DNAH8: variants seen among roughly 807,000 people sequenced by gnomAD.
DNAH8 encodes axonemal beta dynein heavy chain 8.
In DNAH8, 382 loss-of-function variants were observed where a neutral mutation model predicts 562.1. The observed-to-expected ratio is 0.68, with a 90% CI of 0.63 to 0.74. The LOEUF is 0.74. DNAH8 is among the 30% of genes least tolerant of loss of function. DNAH8 has a pLI of 0.00. For synonymous variants in DNAH8, 1,881 were observed against 1,919.4 expected, an observed-to-expected ratio of 0.98 and a Z score of 0.52; for missense variants, 5,203 against 5,620.4, an observed-to-expected ratio of 0.93 and a Z score of 2.37.
chr6:38,768,259 C>G (rs1767214598), intron 11 of DNAH8, among the ~76,000 whole-genome samples: 1 of 151,810 alleles, frequency 6.6e-6, no homozygotes, highest in Non-Finnish European at 1.5e-5. Flanking sequence ...GCTTATTTGT[C>G]TATTTATTTA....
intron 64 of DNAH8, among the ~76,000 whole-genome samples, chr6:38,908,348 T>C (rs1192517926): frequency 6.6e-6 from 1 of 152,218 alleles, no homozygotes; most frequent in Non-Finnish European, 1.5e-5. Flanking sequence ...TTTTCATTAA[T>C]TACCTAGAGA....
At chr6:38,967,238 A>G (rs1159077221) in intron 82 of DNAH8, among the ~76,000 whole-genome samples, 1 of 151,842 alleles carries the variant, frequency 6.6e-6, no homozygotes, top group Admixed American at 6.6e-5. Context: ...AAGGATGTCT[A>G]CTCTTACGAC....
At chr6:38,841,802 T>G (rs1429136180) in intron 33 of DNAH8, among the ~76,000 whole-genome samples, 1 of 152,072 alleles carries the variant, frequency 6.6e-6, no homozygotes, top group Non-Finnish European at 1.5e-5. Context: ...ACTGCATCCT[T>G]GAACTCCTGG....
intron 76 of DNAH8, 67 bp downstream of exon 76, chr6:38,932,060 C>A: frequency 1.6e-6 from 2 of 1,253,698 alleles, no homozygotes; most frequent in Admixed American, 3.0e-5. Flanking sequence ...TGAGAAATTG[C>A]TAAGTATGTG....
In DNAH8 at chr6:38,866,340, T is replaced by C. The variant is rs862425; in HGVS notation, c.6499-251T>C. Among the ~76,000 whole-genome samples the C allele has an allele frequency of 0.68, 103,272 of 152,004 alleles. 35,570 individuals carry two copies. The highest frequency in any genetic ancestry group is 0.84 in the East Asian group (4,375 of 5,182). On this transcript the variant is annotated intron_variant, in intron 45 of 92. Coordinates refer to ENST00000327475, the MANE Select transcript of DNAH8 (RefSeq NM_001206927.2). ...CAGACACAATTTTCTATTTTTTAAG[T>C]CAGTAGACAATTTTGCCACACAAAA...
At chr6:38,917,681 G>A (rs544112547) in intron 69 of DNAH8, among the ~76,000 whole-genome samples, 1 of 152,288 alleles carries the variant, frequency 6.6e-6, no homozygotes, top group South Asian at 2.1e-4. Flanking sequence ...GTGGTTGGTG[G>A]CATTCAGATG....
At position 38,951,425 on chromosome 6, in the gene DNAH8, A is replaced by G. The variant is rs747614095; in HGVS notation, c.12356A>G (p.Glu4119Gly). Residue 4119 changes from glutamate (E) to glycine (G), a missense_variant, in exon 82 of 93, where the codon GAA becomes GGA. Glu to Gly is a moderately conservative substitution (Grantham distance 98). This residue lies in a region of DNAH8 where 1,399 missense variants were observed against 1,518.4 expected (regional missense o/e 0.92). Coordinates refer to ENST00000327475, the MANE Select transcript of DNAH8 (RefSeq NM_001206927.2). ...PVILNLEKTW[E>G]ESDTRTPLIC... is the part of the protein sequence containing the mutation. ...ATCTTAAATCTGGAGAAAACTTGGGAAGAAAGTGATACCCGGACACCTCTG... is the reference window on the plus strand; with the variant it reads ...ATCTTAAATCTGGAGAAAACTTGGGGAGAAAGTGATACCCGGACACCTCTG... 6.2e-7 allele frequency: 1 copy of G among 1,614,138 alleles called. No individual in the cohort carries two copies. The highest frequency in any genetic ancestry group is 8.5e-7 in the Non-Finnish European group (1 of 1,180,008).
At chr6:38,958,890 T>C (rs898958586) in intron 82 of DNAH8, among the ~76,000 whole-genome samples, 8 of 152,072 alleles carry the variant, frequency 5.3e-5, no homozygotes, top group African/African-American at 1.9e-4. Flanking sequence ...TGTAAAATCC[T>C]CAACAAAATA....
chr6:38,953,570 G>T (rs1201904963), intron 82 of DNAH8, among the ~76,000 whole-genome samples: 1 of 152,072 alleles, frequency 6.6e-6, no homozygotes, highest in African/African-American at 2.4e-5. Flanking sequence ...TAGGGTACTG[G>T]AACAACATAG....
At chr6:38,793,979 C>G (rs1769995657) in intron 21 of DNAH8, among the ~76,000 whole-genome samples, 1 of 152,134 alleles carries the variant, frequency 6.6e-6, no homozygotes, top group Non-Finnish European at 1.5e-5. Flanking sequence ...GGTTGAGAAC[C>G]TGTTTCTTTT....
intron 25 of DNAH8, among the ~76,000 whole-genome samples, chr6:38,815,113 C>G (rs1281916265): frequency 6.6e-6 from 1 of 152,204 alleles, no homozygotes; most frequent in Non-Finnish European, 1.5e-5. Context: ...TCATAGATCT[C>G]TAACACATAG....
intron 24 of DNAH8, among the ~76,000 whole-genome samples, chr6:38,812,698 C>T (rs1398851435): frequency 6.6e-6 from 1 of 152,012 alleles, no homozygotes; most frequent in Admixed American, 6.6e-5. Flanking sequence ...GGATTTCCCC[C>T]CATTAATCCT....
intron 43 of DNAH8, among the ~76,000 whole-genome samples, chr6:38,861,656 C>G (rs948808515): frequency 8.5e-5 from 13 of 152,254 alleles, no homozygotes; most frequent in African/African-American, 2.4e-4. Flanking sequence ...CTCTACCTCA[C>G]AAGTAGCTGG....
chr6:38,719,047 T>G (rs1300917666), intron 1 of DNAH8, among the ~76,000 whole-genome samples: 3 of 152,226 alleles, frequency 2.0e-5, no homozygotes, highest in East Asian at 1.9e-4. Context: ...CTTCCTTCTT[T>G]AAATTCCTTT....
intron 11 of DNAH8, among the ~76,000 whole-genome samples, chr6:38,767,407 A>G (rs907481802): frequency 6.6e-6 from 1 of 150,984 alleles, no homozygotes; most frequent in Non-Finnish European, 1.5e-5. Context: ...ATTGCACTCC[A>G]GCCTGGGCAA....
intron 12 of DNAH8, among the ~76,000 whole-genome samples, chr6:38,773,227 G>C (rs972483299): frequency 6.6e-6 from 1 of 151,858 alleles, no homozygotes; most frequent in Non-Finnish European, 1.5e-5. Context: ...GACTCCACTA[G>C]AGCAAAAACC....
At chr6:38,809,220 CCTTAT>C (rs1410158990) in intron 24 of DNAH8, among the ~76,000 whole-genome samples, 3 of 151,558 alleles carry the variant, frequency 2.0e-5, no homozygotes, top group Non-Finnish European at 4.4e-5. Context: ...GTCAGTTTTG[CCTTAT>C]CTTTTCATTT....
chr6:38,877,777 G>A lies in DNAH8; in HGVS notation c.7858+1949G>A, dbSNP rs1332313415. Among the ~76,000 whole-genome samples the A allele has an allele frequency of 2.0e-5, 3 of 152,318 alleles. No homozygotes were observed. The East Asian group carries it at 5.8e-4, about 29-fold the overall frequency. ...TAAGGAGACTTATGCTTCCAGCGAA[G>A]ATGGAGTAATGGGGACTGGGTTTAA... On this transcript the variant is annotated intron_variant, in intron 53 of 92. Coordinates refer to ENST00000327475, the MANE Select transcript of DNAH8 (RefSeq NM_001206927.2).
chr6:39,017,005 G>A (rs1326255251), intron 91 of DNAH8, among the ~76,000 whole-genome samples: 2 of 152,220 alleles, frequency 1.3e-5, no homozygotes, highest in Non-Finnish European at 2.9e-5. Context: ...AATCATTTCT[G>A]TAGCAATTGA....
Sources: allele counts gnomAD v4.1 joint callset (sites outside exome capture counted in the v4.1 genomes callset), GRCh38; gene constraint gnomAD v4.1.1; regional missense constraint gnomAD v4.1.1; transcripts MANE v1.5; gene names NCBI Gene and HGNC (gene_info 2026-07-23, HGNC 2026-07-21).